SPMIP2: variants seen among roughly 807,000 people sequenced by gnomAD.
SPMIP2 encodes protein SPMIP2.
At chr4:159,062,729 C>CTCT in the SPMIP2 span, among the ~76,000 whole-genome samples, 16 of 150,400 alleles carry the variant, frequency 1.1e-4, no homozygotes, top group East Asian at 3.9e-4. Flanking sequence ...CTCTCTGTCA[C>CTCT]CCAGGCTGGA....
At chr4:158,970,169 C>G in the SPMIP2 span, among the ~76,000 whole-genome samples, 1 of 152,134 alleles carries the variant, frequency 6.6e-6, no homozygotes, top group African/African-American at 2.4e-5. Context: ...AATTCACGCA[C>G]CAAGTCTGAT....
At chr4:159,043,229 G>A in the SPMIP2 span, among the ~76,000 whole-genome samples, 4 of 152,196 alleles carry the variant, frequency 2.6e-5, no homozygotes, top group African/African-American at 9.7e-5. Flanking sequence ...ACAGTTAGCT[G>A]CCAAGAGGGA....
At chr4:159,019,444 GATTGCAAGGAAGGAAGTCAGTA>G in the SPMIP2 span, among the ~76,000 whole-genome samples, 4 of 152,072 alleles carry the variant, frequency 2.6e-5, no homozygotes, top group Non-Finnish European at 4.4e-5. Flanking sequence ...GTCTTTCTCT[GATTGCAAGGAAGGAAGTCAGTA>G]ATGGCTTATA....
chr4:159,077,061 C>G, the SPMIP2 span, among the ~76,000 whole-genome samples: 5 of 152,020 alleles, frequency 3.3e-5, 2 homozygotes, highest in Admixed American at 3.3e-4. Flanking sequence ...GTTTCGAACT[C>G]CTGACCTCAG....
chr4:159,026,116 G>A, the SPMIP2 span: 2 of 280,942 alleles, frequency 7.1e-6, 1 homozygote, highest in Non-Finnish European at 1.4e-5. Flanking sequence ...ACCCTCCTAT[G>A]CCCACCATGA....
At chr4:159,081,713 A>G in the SPMIP2 span, among the ~76,000 whole-genome samples, 11 of 151,988 alleles carry the variant, frequency 7.2e-5, no homozygotes, top group Admixed American at 3.9e-4. Context: ...GAGAGAGAGA[A>G]AAAAACAAAA....
the SPMIP2 span, among the ~76,000 whole-genome samples, chr4:158,918,669 T>C: frequency 1.3e-5 from 2 of 152,256 alleles, no homozygotes; most frequent in East Asian, 1.9e-4. Flanking sequence ...CAATAGAAAG[T>C]TAAAAATTAG....
the SPMIP2 span, among the ~76,000 whole-genome samples, chr4:159,055,612 A>T: frequency 6.6e-6 from 1 of 152,102 alleles, no homozygotes; most frequent in African/African-American, 2.4e-5. Flanking sequence ...TGAGGAGCTG[A>T]GGCTGGAGGA....
At chr4:159,046,299 G>A in the SPMIP2 span, among the ~76,000 whole-genome samples, 1 of 151,540 alleles carries the variant, frequency 6.6e-6, no homozygotes, top group Non-Finnish European at 1.5e-5. Context: ...TGAGACAGAA[G>A]CCACGGTTAT....
chr4:159,069,376 AT>A, the SPMIP2 span, among the ~76,000 whole-genome samples: 2 of 152,292 alleles, frequency 1.3e-5, no homozygotes, highest in South Asian at 4.1e-4. Context: ...TGCTTCTGAA[AT>A]TAAATAATGC....
At chr4:159,040,459 C>A in the SPMIP2 span, among the ~76,000 whole-genome samples, 1 of 151,164 alleles carries the variant, frequency 6.6e-6, no homozygotes, top group East Asian at 2.0e-4. Flanking sequence ...GTGTGAGCCA[C>A]TGCGCCCGGT....
At chr4:158,976,528 C>T in the SPMIP2 span, among the ~76,000 whole-genome samples, 2 of 152,062 alleles carry the variant, frequency 1.3e-5, no homozygotes, top group Non-Finnish European at 2.9e-5. Flanking sequence ...GCCTTTTCTG[C>T]ATCTATTGAG....
At chr4:159,076,841 AT>A in the SPMIP2 span, among the ~76,000 whole-genome samples, 85,729 of 145,778 alleles carry the variant, frequency 0.59, 24,934 homozygotes, top group African/African-American at 0.65. Flanking sequence ...CACTAAACAG[AT>A]TTTTTTTTTT....
the SPMIP2 span, among the ~76,000 whole-genome samples, chr4:159,078,392 G>A: frequency 3.5e-3 from 528 of 152,282 alleles, 4 homozygotes; most frequent in African/African-American, 0.012. Flanking sequence ...TCTGAATTTC[G>A]AAAAGATGAG....
At chr4:158,910,948 A>T in the SPMIP2 span, among the ~76,000 whole-genome samples, 1 of 152,184 alleles carries the variant, frequency 6.6e-6, no homozygotes, top group Non-Finnish European at 1.5e-5. Flanking sequence ...GATACTTAGG[A>T]GATCAGTCCA....
the SPMIP2 span, among the ~76,000 whole-genome samples, chr4:158,932,228 G>A: frequency 2.6e-5 from 4 of 152,178 alleles, no homozygotes; most frequent in Non-Finnish European, 4.4e-5. Flanking sequence ...AGAATTGTAT[G>A]TCAAAGCCGG....
At chr4:159,077,237 C>T in the SPMIP2 span, among the ~76,000 whole-genome samples, 1 of 152,012 alleles carries the variant, frequency 6.6e-6, no homozygotes. Flanking sequence ...ATCTCCGCCT[C>T]CCAGGTTCAA....
chr4:158,960,207 A>G, the SPMIP2 span: 2 of 869,424 alleles, frequency 2.3e-6, no homozygotes, highest in Non-Finnish European at 3.6e-6. Context: ...ATATACTTAA[A>G]AGTTTACAAA....
At chr4:159,030,972 T>C in the SPMIP2 span, among the ~76,000 whole-genome samples, 2 of 152,218 alleles carry the variant, frequency 1.3e-5, no homozygotes, top group Non-Finnish European at 2.9e-5. Flanking sequence ...TCTCATGATA[T>C]TTTGTTGTCA....
Sources: allele counts gnomAD v4.1 joint callset (sites outside exome capture counted in the v4.1 genomes callset), GRCh38; gene constraint gnomAD v4.1.1; transcripts MANE v1.5; gene names NCBI Gene and HGNC (gene_info 2026-07-23, HGNC 2026-07-21).